Variants in UBL3 observed in about 807,000 individuals in gnomAD.
UBL3 encodes the protein ubiquitin like 3.
UBL3 carries 6 observed loss-of-function variants against 18.4 expected under a neutral mutation model. That is an observed-to-expected ratio of 0.33 (90% confidence interval 0.18 to 0.64). The LOEUF is 0.64. UBL3 is among the 30% of genes least tolerant of loss of function. The probability of loss-of-function intolerance (pLI) is 0.76; values close to 1 mark genes in which losing one functional copy is unlikely to be tolerated. For missense variants in UBL3, 109 were observed against 142.9 expected (o/e 0.76, Z 1.21); for synonymous variants, 49 against 46.6 (o/e 1.05, Z -0.21).
At chr13:29,797,404 G>A (rs1312001259) in intron 1 of UBL3, among the ~76,000 whole-genome samples, 1 of 152,160 alleles carries the variant, frequency 6.6e-6, no homozygotes, top group Non-Finnish European at 1.5e-5. Context: ...ATTTTCACCA[G>A]GATGTGGTTC....
intron 1 of UBL3, among the ~76,000 whole-genome samples, chr13:29,847,691 A>G (rs1483651064): frequency 6.6e-6 from 1 of 152,166 alleles, no homozygotes; most frequent in East Asian, 1.9e-4. Flanking sequence ...AGGTTAACCT[A>G]TTTTGCACTG....
At chr13:29,809,995 C>T (rs1878000159) in intron 1 of UBL3, among the ~76,000 whole-genome samples, 1 of 151,516 alleles carries the variant, frequency 6.6e-6, no homozygotes, top group Non-Finnish European at 1.5e-5. Flanking sequence ...ATTTTTTTTT[C>T]CTGGATATTT....
At chr13:29,780,390 A>ATATG (rs755886113) in intron 1 of UBL3, among the ~76,000 whole-genome samples, 540 of 92,084 alleles carry the variant, frequency 5.9e-3, no homozygotes, top group African/African-American at 9.9e-3. Context: ...ATATATATAT[A>ATATG]TGTGTGTGTG....
chr13:29,826,513 A>G (rs1260402748), intron 1 of UBL3, among the ~76,000 whole-genome samples: 3 of 152,114 alleles, frequency 2.0e-5, no homozygotes, highest in Non-Finnish European at 2.9e-5. Context: ...CTCTGATGGT[A>G]GTTTGTATTT....
At position 29,802,338 on chromosome 13, in the gene UBL3, C is replaced by A. The variant is rs573311627; in HGVS notation, c.28-25075G>T. Among the ~76,000 whole-genome samples, 12 of 152,324 alleles carry A rather than the reference C, an allele frequency of 7.9e-5. 1 individual carries two copies. The South Asian group carries it at 2.1e-3, about 26-fold the overall frequency. On this transcript the variant is annotated intron_variant, in intron 1 of 4. Coordinates refer to ENST00000380680, the MANE Select transcript of UBL3 (RefSeq NM_007106.4). ...GTTAACTGACTGTACTCGAGTTACA[C>A]CACAGTTAAAGAACATCAGCCCACA...
intron 1 of UBL3, among the ~76,000 whole-genome samples, chr13:29,846,554 A>C (rs760105940): frequency 1.2e-4 from 19 of 152,160 alleles, no homozygotes; most frequent in Non-Finnish European, 1.9e-4. Context: ...CAAAACAAAA[A>C]CCAAAGCTAA....
At chr13:29,779,532 A>T (rs770863985) in intron 1 of UBL3, among the ~76,000 whole-genome samples, 9 of 152,182 alleles carry the variant, frequency 5.9e-5, no homozygotes, top group Non-Finnish European at 1.3e-4. Context: ...TGATGAAAGG[A>T]AATAGATTTA....
intron 2 of UBL3, among the ~76,000 whole-genome samples, chr13:29,772,969 T>C (rs568467658): frequency 8.5e-5 from 13 of 152,226 alleles, no homozygotes; most frequent in African/African-American, 2.6e-4. Context: ...TTAAGGACAC[T>C]AGTGTTATGA....
intron 1 of UBL3, among the ~76,000 whole-genome samples, chr13:29,819,390 G>A (rs1878367428): frequency 6.6e-6 from 1 of 152,154 alleles, no homozygotes; most frequent in South Asian, 2.1e-4. Context: ...CAGAAATCCT[G>A]GGATAAAGAA....
At chr13:29,795,613 CTTATTTAA>C (rs1565993525) in intron 1 of UBL3, among the ~76,000 whole-genome samples, 1 of 151,820 alleles carries the variant, frequency 6.6e-6, no homozygotes, top group Non-Finnish European at 1.5e-5. Flanking sequence ...TATATATTGA[CTTATTTAA>C]TTCTCACTGC....
chr13:29,840,213 C>T (rs1347420026), intron 1 of UBL3, among the ~76,000 whole-genome samples: 3 of 152,124 alleles, frequency 2.0e-5, no homozygotes, highest in Non-Finnish European at 4.4e-5. Flanking sequence ...AGGATACACA[C>T]ACACACACAA....
intron 1 of UBL3, among the ~76,000 whole-genome samples, chr13:29,823,512 C>T (rs1451764585): frequency 3.9e-5 from 6 of 152,124 alleles, no homozygotes; most frequent in Non-Finnish European, 8.8e-5. Flanking sequence ...CAAATTGGGA[C>T]AAGATACATA....
chr13:29,807,734 A>G (rs887809460), intron 1 of UBL3, among the ~76,000 whole-genome samples: 13 of 152,154 alleles, frequency 8.5e-5, no homozygotes, highest in African/African-American at 2.9e-4. Flanking sequence ...TTCTGAAAAA[A>G]TAAAAAAAGG....
chr13:29,810,334 T>A (rs1878022554), intron 1 of UBL3, among the ~76,000 whole-genome samples: 1 of 151,982 alleles, frequency 6.6e-6, no homozygotes, highest in Non-Finnish European at 1.5e-5. Flanking sequence ...TGGGAACTGA[T>A]CCAATTCTAG....
chr13:29,787,475 T>C (rs1432609701), intron 1 of UBL3, among the ~76,000 whole-genome samples: 1 of 152,208 alleles, frequency 6.6e-6, no homozygotes, highest in Non-Finnish European at 1.5e-5. Flanking sequence ...TATTGAGAAT[T>C]CTTGCAAATT....
At chr13:29,840,411 G>A (rs1879067771) in intron 1 of UBL3, among the ~76,000 whole-genome samples, 3 of 152,100 alleles carry the variant, frequency 2.0e-5, no homozygotes, top group Admixed American at 6.5e-5. Context: ...ATTTGTGGAT[G>A]GAATAAAATC....
chr13:29,841,718 A>C (rs1879106327), intron 1 of UBL3, among the ~76,000 whole-genome samples: 1 of 152,126 alleles, frequency 6.6e-6, no homozygotes, highest in Admixed American at 6.5e-5. Flanking sequence ...AGGGGTGTAG[A>C]TGTTTATCAC....
intron 1 of UBL3, among the ~76,000 whole-genome samples, chr13:29,797,515 A>G (rs1877644888): frequency 6.6e-6 from 1 of 152,228 alleles, no homozygotes; most frequent in Admixed American, 6.5e-5. Flanking sequence ...CTGCACTGAC[A>G]TTCCCCAATA....
chr13:29,848,865 T>C (rs185960095), intron 1 of UBL3, among the ~76,000 whole-genome samples: 1 of 152,378 alleles, frequency 6.6e-6, no homozygotes, highest in East Asian at 1.9e-4. Context: ...TTATGTCTAA[T>C]ATGGAATCTA....
Sources: allele counts gnomAD v4.1 joint callset (sites outside exome capture counted in the v4.1 genomes callset), GRCh38; gene constraint gnomAD v4.1.1; transcripts MANE v1.5; gene names NCBI Gene and HGNC (gene_info 2026-07-23, HGNC 2026-07-21).